Variants in UNKL observed in about 807,000 individuals in gnomAD.
The protein encoded by UNKL is putative E3 ubiquitin-protein ligase UNKL.
UNKL carries 60 observed loss-of-function variants against 78.0 expected under a neutral mutation model. The ratio of observed to expected loss-of-function variants is 0.77; its 90% CI spans 0.63 to 0.95. The LOEUF (loss-of-function observed/expected upper bound fraction) is 0.95. UNKL is among the 40% of genes least tolerant of loss of function. The pLI is 0.00. For missense variants in UNKL, 1,159 were observed against 1,045.7 expected (o/e 1.11, Z -1.49); for synonymous variants, 608 against 474.8 (o/e 1.28, Z -3.65).
At chr16:1,397,046 G>T in intron 6 of UNKL, 132 bp downstream of exon 6, 2 of 972,014 alleles carry the variant, frequency 2.1e-6, no homozygotes, top group Non-Finnish European at 3.1e-6. Context: ...CCACCCCCAG[G>T]CTTCCCGACC....
In UNKL at chr16:1,367,213, C is replaced by CCCTCCAGCT. The variant is rs1488081773; in HGVS notation, c.1916_1924dup (p.Glu639_Glu641dup). The CCCTCCAGCT allele has an allele frequency of 1.2e-6, 2 of 1,603,852 alleles. No homozygotes were observed. Among genetic ancestry groups the CCCTCCAGCT allele is most frequent in the Non-Finnish European group, 1.7e-6 (2 of 1,177,784 alleles). The stretch of plus-strand genomic sequence containing the variant: ...CGGCAGTGTGGAGGCTACGCCCAGG[C>CCCTCCAGCT]CCTCCAGCTCCTCCTGCAGCTGCTT... On this transcript the variant is annotated inframe_insertion, in exon 14 of 15. Transcript: ENST00000389221.
intron 13 of UNKL, 112 bp downstream of exon 13, chr16:1,367,544 T>C (rs1596637942): frequency 1.6e-6 from 1 of 632,652 alleles, no homozygotes; most frequent in Non-Finnish European, 2.1e-6. Context: ...CACGCTCACC[T>C]GAGTCACCTG....
At chr16:1,395,277 C>T (rs537957236) in intron 6 of UNKL, among the ~76,000 whole-genome samples, 1 of 151,560 alleles carries the variant, frequency 6.6e-6, no homozygotes, top group South Asian at 2.1e-4. Flanking sequence ...AAGCAATTCT[C>T]CTGCCTCAGC....
intron 5 of UNKL, chr16:1,398,651 C>T: frequency 6.9e-7 from 1 of 1,439,676 alleles, no homozygotes. Flanking sequence ...AGGCCATGGC[C>T]CAGGCATCCA....
In UNKL at chr16:1,367,439, C is replaced by T. The variant is rs1024829907; in HGVS notation, c.1789-90G>A. On this transcript the variant is annotated intron_variant, in intron 13 of 14. Coordinates refer to ENST00000389221, the MANE Select transcript of UNKL (RefSeq NM_001372107.1). ...TGTGTCACCAGCGATCCTCCCCTCC[C>T]CTCCCCAGCATCAGCTGTGGCCCCC... The T allele has an allele frequency of 1.7e-4, 252 of 1,465,830 alleles. 1 individual carries two copies. The highest frequency in any genetic ancestry group is 2.1e-4 in the Non-Finnish European group (236 of 1,104,850). 90.8% of individuals were successfully genotyped at this position (1,465,830 alleles called of 1,614,324 possible).
In UNKL at chr16:1,414,601, G is replaced by A; in HGVS notation, c.77+14C>T. On this transcript the variant is annotated intron_variant, in intron 1 of 14. Transcript: ENST00000389221. ...GGGCGCGGGCGGGGGGCCGCAGGCC[G>A]GACGGGCGCTGACCTGTAGTGGGTC... The A allele has an allele frequency of 9.6e-7, 1 of 1,039,426 alleles. No homozygotes were observed. Among genetic ancestry groups the A allele is most frequent in the Admixed American group, 5.5e-5 (1 of 18,036 alleles). 64.4% of individuals were successfully genotyped at this position (1,039,426 alleles called of 1,614,324 possible). A position where few individuals can be genotyped will look rare whatever the true frequency, so the allele number is the denominator to read the frequency against.
At position 1,376,065 on chromosome 16, in the gene UNKL, T is replaced by C. The variant is rs112977084; in HGVS notation, c.1265-4454A>G. Among the ~76,000 whole-genome samples, 177 of 146,720 alleles carry C rather than the reference T, an allele frequency of 1.2e-3. 1 individual carries two copies. The highest frequency in any genetic ancestry group is 3.9e-3 in the African/African-American group (147 of 37,842). ...TGAGATCTGTGGCGGGCAGGGCCTC[T>C]TCCCTCCTCCCTCCAGGGCTGGGGC... On this transcript the variant is annotated intron_variant, in intron 10 of 14. Coordinates refer to ENST00000389221, the MANE Select transcript of UNKL (RefSeq NM_001372107.1).
At chr16:1,388,352 G>A (rs1333317241) in intron 9 of UNKL, among the ~76,000 whole-genome samples, 1 of 152,152 alleles carries the variant, frequency 6.6e-6, no homozygotes, top group Admixed American at 6.5e-5. Context: ...AGCGCTGCCC[G>A]GCCCAGGGTG....
At position 1,414,680 on chromosome 16, in the gene UNKL, A is replaced by C. The variant is rs866360175; in HGVS notation, c.12T>G (p.Val4=). 3 of 1,148,216 alleles carry C rather than the reference A, an allele frequency of 2.6e-6. No individual in the cohort carries two copies. The highest frequency in any genetic ancestry group is 3.3e-6 in the Non-Finnish European group (3 of 921,804). The allele number at this position is 1,148,216 out of a possible 1,614,324, so 71.1% of individuals were successfully genotyped here. The change falls in exon 1 of 15, where the codon GTT becomes GTG. Residue 4 remains valine (V), a synonymous_variant. Transcript: ENST00000389221. ...TCAGCGCCGCTGCCGCCGCTTTCGA[A>C]ACCGACGGCATTTTCAGTCAAAACA... MPS[V]SKAAAAALSG... is the part of the protein sequence containing the mutation.
At chr16:1,398,611 C>G (rs1596742541) in intron 5 of UNKL, 2 of 1,425,556 alleles carry the variant, frequency 1.4e-6, no homozygotes, top group South Asian at 3.0e-5. Context: ...AAAGGAAGAG[C>G]TGGACACAGA....
chr16:1,413,467 C>G (rs2038139330), intron 2 of UNKL, among the ~76,000 whole-genome samples: 1 of 151,996 alleles, frequency 6.6e-6, no homozygotes, highest in Non-Finnish European at 1.5e-5. Context: ...ACTCCGGAGG[C>G]TGAGGCAGGA....
intron 10 of UNKL, among the ~76,000 whole-genome samples, chr16:1,376,859 G>A (rs939707050): frequency 1.3e-5 from 2 of 152,046 alleles, no homozygotes; most frequent in Non-Finnish European, 2.9e-5. Flanking sequence ...AGTAATAAAA[G>A]TTACCTGCGC....
chr16:1,403,113 A>C lies in UNKL; in HGVS notation c.464+55T>G. The C allele has an allele frequency of 4.5e-6, 7 of 1,550,102 alleles. No homozygotes were observed. The highest frequency in any genetic ancestry group is 6.1e-6 in the Non-Finnish European group (7 of 1,147,608). ...CCACTTGCCGAGTTCCTGCTCATCC[A>C]GCAGAGCCCACAGCAGCAGGCAGGC... On this transcript the variant is annotated intron_variant, in intron 3 of 14. Coordinates refer to ENST00000389221, the MANE Select transcript of UNKL (RefSeq NM_001372107.1). This position sits in a 1 kb window ranked among gnomAD's most constrained non-coding sequence, Gnocchi z 4.8.
intron 10 of UNKL, among the ~76,000 whole-genome samples, chr16:1,372,169 C>A (rs1227893581): frequency 2.0e-5 from 3 of 151,854 alleles, no homozygotes; most frequent in Non-Finnish European, 1.5e-5. Context: ...GAGGCTGAGG[C>A]GGAAGAATGG....
rs137943277 is a variant in UNKL at position 1,377,143 on chromosome 16, C to G, written c.1265-5532G>C. Among the ~76,000 whole-genome samples the G allele has an allele frequency of 7.0e-3, 1,066 of 152,284 alleles. 14 individuals are homozygous for G. The highest frequency in any genetic ancestry group is 0.024 in the African/African-American group (1,011 of 41,548). ...GTTCAAGCTATTCTCCTGCCTCAGC[C>G]TCCTGAGCAGCTGGGACTACAGGTG... On this transcript the variant is annotated intron_variant, in intron 10 of 14. Coordinates refer to ENST00000389221, the MANE Select transcript of UNKL (RefSeq NM_001372107.1).
intron 10 of UNKL, 147 bp downstream of exon 10, chr16:1,385,061 G>GT: frequency 1.5e-6 from 1 of 652,704 alleles, no homozygotes; most frequent in Non-Finnish European, 2.2e-6. Context: ...CACAACCAAA[G>GT]TGACAGATGA....
chr16:1,380,169 G>A (rs948270285), intron 10 of UNKL, among the ~76,000 whole-genome samples: 1 of 152,238 alleles, frequency 6.6e-6, no homozygotes, highest in Non-Finnish European at 1.5e-5. Flanking sequence ...GAACCTATCA[G>A]ATGGGTCTGA....
intron 5 of UNKL, chr16:1,398,743 CAGAAGG>C: frequency 6.6e-7 from 1 of 1,520,368 alleles, no homozygotes; most frequent in Non-Finnish European, 8.8e-7. Flanking sequence ...CAGGCACAAC[CAGAAGG>C]CCGGGCTGGA....
At chr16:1,414,516 CG>C (rs1363998846) in intron 1 of UNKL, 98 bp downstream of exon 1, 8 of 268,340 alleles carry the variant, frequency 3.0e-5, no homozygotes, top group Admixed American at 6.4e-5. Flanking sequence ...GCGCGGAGGC[CG>C]GGGGGCGCGG....
Sources: allele counts gnomAD v4.1 joint callset (sites outside exome capture counted in the v4.1 genomes callset), GRCh38; gene constraint gnomAD v4.1.1; non-coding constraint Gnocchi (gnomAD v3.1); transcripts MANE v1.5; gene names NCBI Gene and HGNC (gene_info 2026-07-23, HGNC 2026-07-21).